The following NXPH1 variants were observed in gnomAD, a reference collection of about 807,000 sequenced individuals.
NXPH1 encodes neurexophilin-1.
NXPH1 carries 5 observed loss-of-function variants against 23.7 expected under a neutral mutation model. The observed-to-expected ratio is 0.21, with a 90% CI of 0.11 to 0.44. The LOEUF is 0.44. Among genes scored for constraint, NXPH1 ranks in the 20% least tolerant of loss-of-function variants. NXPH1 has a pLI of 0.99. For missense variants in NXPH1, 324 were observed against 321.6 expected (o/e 1.01, Z -0.06); for synonymous variants, 144 against 122.2 (o/e 1.18, Z -1.18).
rs1250437548 is a variant in NXPH1 at position 8,435,690 on chromosome 7, C to G, written c.-24C>G. The G allele has an allele frequency of 1.2e-6, 2 of 1,612,902 alleles. No individual in the cohort carries two copies. Among genetic ancestry groups the G allele is most frequent in the Non-Finnish European group, 8.5e-7 (1 of 1,178,904 alleles). ...AACAAAGACTCAAAGAAGGCACCGC[C>G]AAGGAAGTTTGAGACGCGGGAGAAT... On this transcript the variant is annotated 5_prime_UTR_variant, in exon 2 of 3. Coordinates refer to ENST00000405863, the MANE Select transcript of NXPH1 (RefSeq NM_152745.3). The surrounding 1 kb of genome is among the most constrained non-coding windows in gnomAD (Gnocchi z 5.9).
At chr7:8,600,015 G>T (rs1247761829) in intron 2 of NXPH1, among the ~76,000 whole-genome samples, 3 of 152,042 alleles carry the variant, frequency 2.0e-5, no homozygotes, top group Non-Finnish European at 4.4e-5. Flanking sequence ...AGTATTAGTA[G>T]TTGAAGGAGG....
At chr7:8,594,669 T>G (rs1331395300) in intron 2 of NXPH1, among the ~76,000 whole-genome samples, 1 of 152,010 alleles carries the variant, frequency 6.6e-6, no homozygotes, top group East Asian at 1.9e-4. Context: ...TTGTCTGGCC[T>G]CGGTGGAACC....
chr7:8,445,530 G>A (rs913996801), intron 2 of NXPH1, among the ~76,000 whole-genome samples: 1 of 152,120 alleles, frequency 6.6e-6, no homozygotes, highest in Non-Finnish European at 1.5e-5. Context: ...GATACAAATT[G>A]GCAGGAATTT....
chr7:8,654,760 A>G (rs1456229312), intron 2 of NXPH1, among the ~76,000 whole-genome samples: 1 of 152,194 alleles, frequency 6.6e-6, no homozygotes, highest in East Asian at 1.9e-4. Context: ...CCTGCTCCAA[A>G]TAATTCCTAC....
intron 2 of NXPH1, among the ~76,000 whole-genome samples, chr7:8,663,372 C>T (rs10227335): frequency 0.063 from 9,607 of 152,074 alleles, 662 homozygotes; most frequent in East Asian, 0.25. Context: ...TCTGGTCTCA[C>T]GATCCATCTG....
chr7:8,526,515 A>G (rs1372241286), intron 2 of NXPH1, among the ~76,000 whole-genome samples: 2 of 152,142 alleles, frequency 1.3e-5, no homozygotes, highest in Admixed American at 6.5e-5. Context: ...GTGGAATGAT[A>G]TGGTTTGGCT....
chr7:8,456,624 G>A (rs377766790), intron 2 of NXPH1, among the ~76,000 whole-genome samples: 9 of 151,898 alleles, frequency 5.9e-5, no homozygotes, highest in African/African-American at 1.9e-4. Flanking sequence ...GCTTGAAAAC[G>A]TAACTTTTTT....
chr7:8,470,927 T>C (rs550440809), intron 2 of NXPH1, among the ~76,000 whole-genome samples: 24 of 152,226 alleles, frequency 1.6e-4, no homozygotes, highest in African/African-American at 5.8e-4. Flanking sequence ...GAATGGGATC[T>C]TATAAAATTC....
intron 2 of NXPH1, among the ~76,000 whole-genome samples, chr7:8,531,852 A>T (rs1817954031): frequency 6.6e-6 from 1 of 152,296 alleles, no homozygotes; most frequent in African/African-American, 2.4e-5. Context: ...CTGGTGTTAA[A>T]GCAGTAGCAG....
intron 2 of NXPH1, among the ~76,000 whole-genome samples, chr7:8,510,968 G>T (rs906340008): frequency 2.0e-5 from 3 of 152,000 alleles, no homozygotes; most frequent in Admixed American, 2.0e-4. Flanking sequence ...GTAGTATGCT[G>T]CTACTAGTCT....
intron 2 of NXPH1, among the ~76,000 whole-genome samples, chr7:8,595,140 A>C (rs1167183170): frequency 6.6e-6 from 1 of 152,052 alleles, no homozygotes; most frequent in African/African-American, 2.4e-5. Flanking sequence ...CTGTCTTTTA[A>C]AAATGACATT....
At chr7:8,731,413 C>T (rs7783713) in intron 2 of NXPH1, among the ~76,000 whole-genome samples, 25,431 of 152,132 alleles carry the variant, frequency 0.17, 2,206 homozygotes, top group Admixed American at 0.22. Flanking sequence ...GGAGGAGAGG[C>T]GCTCTGCTTT....
intron 2 of NXPH1, among the ~76,000 whole-genome samples, chr7:8,738,318 T>C (rs997793737): frequency 1.3e-5 from 2 of 152,234 alleles, no homozygotes; most frequent in African/African-American, 4.8e-5. Flanking sequence ...TGTGTGGATG[T>C]CCTTTTTGTT....
chr7:8,576,019 T>C (rs1203171872), intron 2 of NXPH1, among the ~76,000 whole-genome samples: 1 of 152,166 alleles, frequency 6.6e-6, no homozygotes, highest in Non-Finnish European at 1.5e-5. Flanking sequence ...CCCATCTCAA[T>C]AGGGGATGGG....
chr7:8,646,436 T>C (rs1820401353), intron 2 of NXPH1, among the ~76,000 whole-genome samples: 1 of 152,190 alleles, frequency 6.6e-6, no homozygotes, highest in African/African-American at 2.4e-5. Flanking sequence ...CTTTTTTGCC[T>C]ATCTTGATTC....
intron 2 of NXPH1, among the ~76,000 whole-genome samples, chr7:8,437,203 C>A (rs1480397096): frequency 2.0e-5 from 3 of 152,200 alleles, no homozygotes; most frequent in Non-Finnish European, 4.4e-5. Flanking sequence ...GTGCCTTTAC[C>A]CGCTGGAACG....
intron 2 of NXPH1, among the ~76,000 whole-genome samples, chr7:8,472,132 T>TA (rs1282086152): frequency 6.6e-6 from 1 of 152,122 alleles, no homozygotes; most frequent in Admixed American, 6.6e-5. Flanking sequence ...TAAGGATATA[T>TA]AAAAATAACT....
chr7:8,469,844 G>A (rs184020755), intron 2 of NXPH1, among the ~76,000 whole-genome samples: 18 of 152,238 alleles, frequency 1.2e-4, no homozygotes, highest in East Asian at 7.7e-4. Context: ...TTTGTGAAAT[G>A]TCATTATCCT....
chr7:8,485,912 T>C (rs1159637550), intron 2 of NXPH1, among the ~76,000 whole-genome samples: 2 of 152,020 alleles, frequency 1.3e-5, no homozygotes, highest in Non-Finnish European at 1.5e-5. Context: ...CCAGAACCAT[T>C]TGTGGGTTAA....
Sources: gnomAD v4.1 joint callset for allele counts (sites outside exome capture counted in the v4.1 genomes callset) on GRCh38, gnomAD v4.1.1 for gene constraint, Gnocchi (gnomAD v3.1) non-coding constraint, MANE v1.5 for transcripts, NCBI Gene and HGNC (gene_info 2026-07-23, HGNC 2026-07-21) for gene names.